RABL2A: variants seen among roughly 807,000 people sequenced by gnomAD.
RABL2A encodes rab-like protein 2A.
In RABL2A, 17 loss-of-function variants were observed where a neutral mutation model predicts 30.7. The ratio of observed to expected loss-of-function variants is 0.55; its 90% CI spans 0.38 to 0.83. The LOEUF is 0.83. Ranked by LOEUF, RABL2A falls within the 40% of genes least tolerant of loss-of-function variation. The probability of loss-of-function intolerance (pLI) is 0.00; values close to 1 mark genes in which losing one functional copy is unlikely to be tolerated. For missense variants in RABL2A, 155 were observed against 272.6 expected, an observed-to-expected ratio of 0.57 and a Z score of 3.04; for synonymous variants, 64 against 101.8, an observed-to-expected ratio of 0.63 and a Z score of 2.24.
rs1442695539 is a variant in RABL2A, at chr2:113,634,234, T to G, written c.217+2T>G. 1.9e-6 allele frequency: 3 copies of G among 1,609,942 alleles called. No homozygotes were observed. The African/African-American group carries it at 4.0e-5, about 22-fold the overall frequency. On this transcript the variant is annotated splice_donor_variant, in intron 4 of 8. Transcript: ENST00000683472. LOFTEE classifies it high-confidence loss of function. ...TAGATGGCAAGACCATCCTTGTGGGTAAGTGGCACAGGGCCAAGACATGCT... is the reference window on the plus strand; with the variant it reads ...TAGATGGCAAGACCATCCTTGTGGGGAAGTGGCACAGGGCCAAGACATGCT...
At position 113,634,163 on chromosome 2, in the gene RABL2A, C is replaced by T. The variant is rs1210839100; in HGVS notation, c.148C>T (p.Gln50Ter). Residue 50 changes from glutamine (Q) to a stop codon, truncating the protein, a stop_gained, in exon 4 of 9, where the codon CAG becomes TAG. Coordinates refer to ENST00000683472, the MANE Select transcript of RABL2A (RefSeq NM_001306158.2). LOFTEE classifies it high-confidence loss of function. ...TTAACCTGAGTGCAGTCAGCCACAG[C>T]AGCTGTCCACGTACGCCCTGACCCT... ...RFLMDGFQPQQLSTYALTLYK... is the reference protein window; with the variant it reads ...RFLMDGFQPQ The T allele has an allele frequency of 6.2e-7, 1 of 1,611,638 alleles. No homozygotes were observed. Among genetic ancestry groups the T allele is most frequent in the Non-Finnish European group, 8.5e-7 (1 of 1,178,832 alleles).
At chr2:113,638,116 G>C in intron 5 of RABL2A, 1 of 985,466 alleles carries the variant, frequency 1.0e-6, no homozygotes, top group Non-Finnish European at 1.2e-6. Flanking sequence ...CTGGACAAAA[G>C]TCATCTGAGC....
At chr2:113,634,710 C>T (rs1681830775) in intron 4 of RABL2A, 2 of 438,248 alleles carry the variant, frequency 4.6e-6, no homozygotes, top group South Asian at 4.2e-5. Flanking sequence ...GGTCATCGCA[C>T]GTGAGAAGTT....
chr2:113,639,489 G>A (rs1331309337), intron 5 of RABL2A, among the ~76,000 whole-genome samples: 1 of 151,692 alleles, frequency 6.6e-6, no homozygotes, highest in Admixed American at 6.6e-5. Flanking sequence ...AGGCATGGTG[G>A]TGCGCACCTG....
chr2:113,628,846 C>A (rs906697013), intron 2 of RABL2A, 133 bp downstream of exon 2: 21 of 1,508,218 alleles, frequency 1.4e-5, no homozygotes, highest in African/African-American at 2.7e-5. Flanking sequence ...CCCAGATGTT[C>A]ATGGGGGAAC....
At chr2:113,629,536 ATTTT>A (rs796575829) in intron 2 of RABL2A, among the ~76,000 whole-genome samples, 2 of 141,098 alleles carry the variant, frequency 1.4e-5, no homozygotes, top group East Asian at 4.1e-4. Context: ...CTGGTTTAGA[ATTTT>A]TTTTTTTTTT....
Position 113,635,572 on chromosome 2 carries a change from C to A in RABL2A, c.297+442C>A, listed in dbSNP as rs187807801. ...TCTCAGGCCAGCCCCTCGCCTCCCC[C>A]CGAGCCTCCCATTGTGTTGCCCGGG... On this transcript the variant is annotated intron_variant, in intron 5 of 8. Transcript: ENST00000683472. 8.1e-3 allele frequency: 2,247 copies of A among 276,432 alleles called. 19 individuals carry two copies. The highest frequency in any genetic ancestry group is 0.011 in the Admixed American group (234 of 20,706). The allele number at this position is 276,432 out of a possible 1,614,324, so 17.1% of individuals were successfully genotyped here. A position where few individuals can be genotyped will look rare whatever the true frequency, so the allele number is the denominator to read the frequency against.
intron 7 of RABL2A, 56 bp from the exon 8 acceptor site, chr2:113,641,725 G>A: frequency 1.7e-6 from 1 of 599,674 alleles, no homozygotes; most frequent in Non-Finnish European, 2.9e-6. Flanking sequence ...GGGCCAGTGG[G>A]GTGGACTGGG....
At chr2:113,633,401 G>C (rs1265961168) in intron 3 of RABL2A, 3 of 247,272 alleles carry the variant, frequency 1.2e-5, no homozygotes, top group Non-Finnish European at 2.3e-5. Flanking sequence ...ATATTACATA[G>C]GTTTGGAGTG....
Position 113,635,104 on chromosome 2 carries a change from T to C in RABL2A, c.271T>C (p.Tyr91His), listed in dbSNP as rs1436932612. The change falls in exon 5 of 9, where the codon TAC becomes CAC. Residue 91 changes from tyrosine (Y) to histidine (H), a missense_variant. Physicochemically the swap from Tyr to His is moderately conservative, Grantham distance 83. Coordinates refer to ENST00000683472, the MANE Select transcript of RABL2A (RefSeq NM_001306158.2). Reference sequence around the variant, plus strand: ...GTTCCAGAGCATGCATGCCTCCTACTACCACAAGGCCCATGCCTGCATCAT... The same window carrying C: ...GTTCCAGAGCATGCATGCCTCCTACCACCACAAGGCCCATGCCTGCATCAT... ...ERFQSMHASYYHKAHACIMVF... is the reference protein window; with the variant it reads ...ERFQSMHASYHHKAHACIMVF... The C allele has an allele frequency of 5.0e-6, 8 of 1,614,056 alleles. No homozygotes were observed. Among genetic ancestry groups the C allele is most frequent in the East Asian group, 4.5e-5 (2 of 44,896 alleles).
intron 5 of RABL2A, chr2:113,640,001 AT>A (rs1174433222): frequency 5.3e-5 from 8 of 151,770 alleles, no homozygotes; most frequent in African/African-American, 7.3e-5. Context: ...AAAAAAAAAA[AT>A]AATAAAAAAA....
chr2:113,632,387 A>G (rs1299753202), intron 2 of RABL2A, among the ~76,000 whole-genome samples: 3 of 152,170 alleles, frequency 2.0e-5, no homozygotes, highest in Admixed American at 6.5e-5. Flanking sequence ...TCAATAACCA[A>G]TAGATTAAGC....
intron 5 of RABL2A, chr2:113,638,742 C>T: frequency 9.0e-6 from 2 of 222,852 alleles, no homozygotes; most frequent in Non-Finnish European, 1.5e-5. Flanking sequence ...GTGGCGCGCA[C>T]CTGTAATCCA....
At chr2:113,639,739 C>T (rs1684389603) in intron 5 of RABL2A, among the ~76,000 whole-genome samples, 1 of 151,900 alleles carries the variant, frequency 6.6e-6, no homozygotes, top group South Asian at 2.1e-4. Flanking sequence ...ACCTGTAGTC[C>T]CAGCTACTGA....
intron 2 of RABL2A, among the ~76,000 whole-genome samples, chr2:113,631,983 C>T (rs1170698767): frequency 2.0e-5 from 3 of 151,858 alleles, no homozygotes; most frequent in African/African-American, 4.8e-5. Flanking sequence ...TAAAATCTAT[C>T]CTCCTTTTAC....
At chr2:113,633,199 C>G (rs1681109072) in intron 3 of RABL2A, 4 of 605,104 alleles carry the variant, frequency 6.6e-6, no homozygotes, top group Admixed American at 2.3e-5. Flanking sequence ...GAATGGCAAA[C>G]AGCAAATGGT....
intron 5 of RABL2A, among the ~76,000 whole-genome samples, chr2:113,639,218 T>C (rs1240696625): frequency 6.6e-6 from 1 of 151,440 alleles, no homozygotes; most frequent in African/African-American, 2.4e-5. Context: ...GCCCAGGGGG[T>C]GGAGGAGCAG....
chr2:113,638,164 A>T (rs894167247), intron 5 of RABL2A: 1 of 985,332 alleles, frequency 1.0e-6, no homozygotes, highest in Non-Finnish European at 1.2e-6. Flanking sequence ...AGTTACAGAC[A>T]TCCTTTATAA....
chr2:113,629,394 A>G (rs1679376843), intron 2 of RABL2A, among the ~76,000 whole-genome samples: 1 of 152,098 alleles, frequency 6.6e-6, no homozygotes, highest in Non-Finnish European at 1.5e-5. Context: ...TTTTATAGTC[A>G]AGTCCTTTGA....
Sources: gnomAD v4.1 joint callset for allele counts (sites outside exome capture counted in the v4.1 genomes callset) on GRCh38, gnomAD v4.1.1 for gene constraint, MANE v1.5 for transcripts, NCBI Gene and HGNC (gene_info 2026-07-23, HGNC 2026-07-21) for gene names.